MLC1: variants seen among roughly 807,000 people sequenced by gnomAD.
MLC1 encodes modulator of VRAC current 1, also known as membrane protein MLC1.
Under a neutral mutation model 44.7 loss-of-function variants are expected in MLC1, and 32 were observed. The observed-to-expected ratio is 0.72, with a 90% CI of 0.54 to 0.96. The LOEUF (loss-of-function observed/expected upper bound fraction) is 0.96, where lower values mean the gene tolerates loss of function less well. Ranked by LOEUF, MLC1 falls within the 40% of genes least tolerant of loss-of-function variation. The probability of loss-of-function intolerance (pLI) is 0.00; values close to 1 mark genes in which losing one functional copy is unlikely to be tolerated. For synonymous variants in MLC1, 190 were observed against 213.0 expected (o/e 0.89, Z 0.94); for missense variants, 459 against 492.2 (o/e 0.93, Z 0.64).
chr22:50,070,413 G>T, intron 9 of MLC1, 114 bp downstream of exon 9: 1 of 1,055,654 alleles, frequency 9.5e-7, no homozygotes, highest in Non-Finnish European at 1.4e-6. Flanking sequence ...CTGCAGCCCA[G>T]TCACTGCGCT....
chr22:50,075,376 G>A (rs2061954679), intron 7 of MLC1, among the ~76,000 whole-genome samples: 1 of 152,188 alleles, frequency 6.6e-6, no homozygotes, highest in African/African-American at 2.4e-5. Context: ...GGGCAGCCAG[G>A]CCTTGCGTCC....
chr22:50,064,413 G>A (rs1256297514), intron 10 of MLC1, among the ~76,000 whole-genome samples: 1 of 152,196 alleles, frequency 6.6e-6, no homozygotes, highest in Non-Finnish European at 1.5e-5. Context: ...ATCAGCTTGT[G>A]TTCAACATAC....
At chr22:50,085,324 C>T (rs1219757179) in intron 1 of MLC1, 31 bp downstream of exon 1, 1 of 559,394 alleles carries the variant, frequency 1.8e-6, no homozygotes, top group Non-Finnish European at 2.5e-6. Flanking sequence ...AAACATGCCT[C>T]TACTCAACGG....
intron 10 of MLC1, among the ~76,000 whole-genome samples, chr22:50,068,152 C>A (rs568615021): frequency 6.6e-6 from 1 of 152,164 alleles, no homozygotes; most frequent in Non-Finnish European, 1.5e-5. Context: ...TCTCATAAAC[C>A]CAGGACAGAT....
chr22:50,075,721 A>G (rs1236814884), intron 7 of MLC1, among the ~76,000 whole-genome samples: 1 of 151,906 alleles, frequency 6.6e-6, no homozygotes, highest in African/African-American at 2.4e-5. Context: ...AAAAAAGGAA[A>G]AAAAAAAAAG....
Position 50,068,725 on chromosome 22 carries a change from C to CTTTTTTTTTTTTT in MLC1, c.772-183_772-171dup, listed in dbSNP as rs765426637. Reference sequence around the variant, plus strand: ...CCTCTGCCTTTTCTTTTTTCTTTTTCTTTTTTTTTTTTTTTTTTTTTGAGA... The same window carrying CTTTTTTTTTTTTT: ...CCTCTGCCTTTTCTTTTTTCTTTTTCTTTTTTTTTTTTTTTTTTTTTTTTTTTTTTTTTTGAGA... On this transcript the variant is annotated intron_variant, in intron 9 of 11. Coordinates refer to ENST00000311597, the MANE Select transcript of MLC1 (RefSeq NM_015166.4). Among the ~76,000 whole-genome samples the CTTTTTTTTTTTTT allele has an allele frequency of 5.7e-4, 60 of 105,230 alleles. 2 individuals are homozygous for CTTTTTTTTTTTTT. Among genetic ancestry groups the CTTTTTTTTTTTTT allele is most frequent in the East Asian group, 7.9e-4 (3 of 3,804 alleles). 69.0% of individuals were successfully genotyped at this position (105,230 alleles called of 152,430 possible). A position where few individuals can be genotyped will look rare whatever the true frequency, so the allele number is the denominator to read the frequency against.
intron 9 of MLC1, among the ~76,000 whole-genome samples, chr22:50,069,447 C>T (rs1466494984): frequency 6.6e-6 from 1 of 152,034 alleles, no homozygotes; most frequent in East Asian, 2.0e-4. Context: ...GAGTTCGAGA[C>T]CAGCCTGGCC....
intron 3 of MLC1, among the ~76,000 whole-genome samples, chr22:50,081,021 G>GAAAGAAAGAAAGAAAGAAAGAAAGAAAGA (rs1569250833): frequency 2.1e-5 from 3 of 143,464 alleles, no homozygotes; most frequent in Non-Finnish European, 4.5e-5. Flanking sequence ...AAGAAAGAAA[G>GAAAGAAAGAAAGAAAGAAAGAAAGAAAGA]AAAGAAAGAA....
At chr22:50,076,174 G>A (rs997757458) in intron 7 of MLC1, among the ~76,000 whole-genome samples, 11 of 148,054 alleles carry the variant, frequency 7.4e-5, no homozygotes, top group African/African-American at 2.2e-4. Context: ...GCTAGGGAGA[G>A]AGAATGACAA....
chr22:50,062,608 C>T (rs1419320700), intron 11 of MLC1, among the ~76,000 whole-genome samples: 1 of 152,242 alleles, frequency 6.6e-6, no homozygotes, highest in African/African-American at 2.4e-5. Flanking sequence ...CGGGACTTAG[C>T]GGGCACTGGA....
chr22:50,061,726 C>A, intron 11 of MLC1, 69 bp from the exon 12 acceptor site: 1 of 1,428,108 alleles, frequency 7.0e-7, no homozygotes, highest in Non-Finnish European at 9.8e-7. Flanking sequence ...GGACACGCCA[C>A]TCGGCCACAG....
chr22:50,065,460 A>C (rs1476898580), intron 10 of MLC1, among the ~76,000 whole-genome samples: 2 of 152,234 alleles, frequency 1.3e-5, no homozygotes, highest in Non-Finnish European at 2.9e-5. Flanking sequence ...CACAACAAGC[A>C]GAACAAGAAA....
intron 11 of MLC1, among the ~76,000 whole-genome samples, chr22:50,062,714 T>C (rs1443773359): frequency 6.6e-6 from 1 of 152,210 alleles, no homozygotes; most frequent in Non-Finnish European, 1.5e-5. Flanking sequence ...CAGGATGGCC[T>C]AGAGGTGGGG....
Position 50,083,122 on chromosome 22 carries a change from G to A in MLC1, c.229C>T (p.Pro77Ser). Reference sequence around the variant, plus strand: ...CAGCGCAAGTAATCCATCTCAGCCGGGAACACGTTCCCCAGGTACAGCGAA... The same window carrying A: ...CAGCGCAAGTAATCCATCTCAGCCGAGAACACGTTCCCCAGGTACAGCGAA... The part of the protein sequence containing the change: ...GFSLYLGNVF[P>S]AEMDYLRCAA... Residue 77 changes from proline to serine, a missense_variant, in exon 3 of 12, where the codon CCG becomes TCG. Physicochemically the swap from Pro to Ser is moderately conservative, Grantham distance 74. Coordinates refer to ENST00000311597, the MANE Select transcript of MLC1 (RefSeq NM_015166.4). This position sits in a 1 kb window ranked among gnomAD's most constrained non-coding sequence, Gnocchi z 4.6. The A allele has an allele frequency of 1.2e-6, 2 of 1,614,122 alleles. No homozygotes were observed. The highest frequency in any genetic ancestry group is 1.1e-5 in the South Asian group (1 of 91,086).
intron 10 of MLC1, among the ~76,000 whole-genome samples, chr22:50,066,251 C>A (rs2061699574): frequency 6.6e-6 from 1 of 152,074 alleles, no homozygotes; most frequent in African/African-American, 2.4e-5. Context: ...GTAATCCCAG[C>A]ACTTCGGGAG....
intron 10 of MLC1, among the ~76,000 whole-genome samples, chr22:50,067,883 A>T (rs2061749636): frequency 1.3e-5 from 2 of 151,452 alleles, no homozygotes. Flanking sequence ...CAGCACACGC[A>T]TGTTGACCTG....
intron 10 of MLC1, among the ~76,000 whole-genome samples, chr22:50,067,291 C>T (rs889935502): frequency 1.3e-5 from 2 of 151,542 alleles, no homozygotes; most frequent in Non-Finnish European, 2.9e-5. Context: ...TCCATGCCCC[C>T]ATCAGACAGT....
intron 10 of MLC1, among the ~76,000 whole-genome samples, chr22:50,064,453 G>T (rs369652768): frequency 2.6e-5 from 4 of 152,192 alleles, no homozygotes; most frequent in African/African-American, 9.7e-5. Flanking sequence ...CCACTGCCAG[G>T]CCCCGTGGAC....
At position 50,084,816 on chromosome 22, in the gene MLC1, G is replaced by A; in HGVS notation, c.87C>T (p.Ala29=). The A allele has an allele frequency of 6.2e-7, 1 of 1,613,986 alleles. No homozygotes were observed. The highest frequency in any genetic ancestry group is 1.3e-5 in the African/African-American group (1 of 75,062). Residue 29 remains alanine, a synonymous_variant, in exon 2 of 12, where the codon GCC becomes GCT. Transcript: ENST00000311597. ...GCAGGTCGCTCGGCTTCGCGTCTGG[G>A]GCATAGCTGGCGGGGTCTTGCCGGC... ...ERGRQDPASY[A]PDAKPSDLQL... is the part of the protein sequence containing the mutation.
Sources: gnomAD v4.1 joint callset for allele counts (sites outside exome capture counted in the v4.1 genomes callset) on GRCh38, gnomAD v4.1.1 for gene constraint, Gnocchi (gnomAD v3.1) non-coding constraint, MANE v1.5 for transcripts, NCBI Gene and HGNC (gene_info 2026-07-23, HGNC 2026-07-21) for gene names.